ZNF566: variants seen among roughly 807,000 people sequenced by gnomAD.
The protein encoded by ZNF566 is zinc finger protein 566.
Under a neutral mutation model 32.8 loss-of-function variants are expected in ZNF566, and 27 were observed. The ratio of observed to expected loss-of-function variants is 0.82; its 90% CI spans 0.61 to 1.14. The LOEUF (loss-of-function observed/expected upper bound fraction) is 1.14, where lower values mean the gene tolerates loss of function less well. Ranked by LOEUF, ZNF566 falls within the 50% of genes most tolerant of loss-of-function variation. The pLI, the probability that ZNF566 is intolerant of heterozygous loss-of-function variation, is 0.00. For missense variants in ZNF566, 402 were observed against 490.4 expected (o/e 0.82, Z 1.70); for synonymous variants, 154 against 159.5 (o/e 0.97, Z 0.26).
chr19:36,476,493 T>C lies in ZNF566; in HGVS notation c.9+56A>G. The C allele has an allele frequency of 2.0e-6, 3 of 1,494,020 alleles. No homozygotes were observed. In the Admixed American group the frequency reaches 5.1e-5, roughly 26 times the overall value. 92.5% of individuals were successfully genotyped at this position (1,494,020 alleles called of 1,614,324 possible). On this transcript the variant is annotated intron_variant, in intron 2 of 4. Transcript: ENST00000452939. ...CATCATCATGAGGAAAGCAAATGTTTACAGTTACTAGAAGTAAAAATCACT... is the reference window on the plus strand; with the variant it reads ...CATCATCATGAGGAAAGCAAATGTTCACAGTTACTAGAAGTAAAAATCACT...
chr19:36,472,533 G>A (rs143908234), intron 4 of ZNF566, among the ~76,000 whole-genome samples: 3 of 152,272 alleles, frequency 2.0e-5, no homozygotes, highest in African/African-American at 4.8e-5. Context: ...AAAAAACTTA[G>A]TAAAAGCAAA....
At chr19:36,476,160 G>T (rs2033879233) in intron 2 of ZNF566, 1 of 155,764 alleles carries the variant, frequency 6.4e-6, no homozygotes, top group African/African-American at 2.4e-5. Flanking sequence ...ACAAAAATTA[G>T]CTGGGTGTGG....
intron 4 of ZNF566, among the ~76,000 whole-genome samples, chr19:36,450,580 G>A (rs2033129256): frequency 6.6e-6 from 1 of 152,240 alleles, no homozygotes; most frequent in East Asian, 1.9e-4. Context: ...GGAGGCAGAG[G>A]TTGCAGTGAG....
chr19:36,473,242 T>A, intron 3 of ZNF566, 90 bp downstream of exon 3: 1 of 1,488,096 alleles, frequency 6.7e-7, no homozygotes. Flanking sequence ...AAAATTCGAC[T>A]GGTTTTTGAA....
At chr19:36,473,162 C>A in intron 3 of ZNF566, 156 bp from the exon 4 acceptor site, 1 of 1,066,950 alleles carries the variant, frequency 9.4e-7, no homozygotes, top group South Asian at 1.5e-5. Context: ...TAAAACATCC[C>A]CAAAAACTCA....
At chr19:36,451,024 T>C (rs2145634571) in intron 4 of ZNF566, among the ~76,000 whole-genome samples, 1 of 152,342 alleles carries the variant, frequency 6.6e-6, no homozygotes, top group Admixed American at 6.5e-5. Flanking sequence ...GTGCATTTCA[T>C]TTTGAAATAA....
At position 36,476,629 on chromosome 19, in the gene ZNF566, AAAG is replaced by A; in HGVS notation, c.-59-16_-59-14del. The A allele has an allele frequency of 6.2e-7, 1 of 1,604,814 alleles. No individual in the cohort carries two copies. The highest frequency in any genetic ancestry group is 1.7e-4 in the Middle Eastern group (1 of 6,020). On this transcript the variant is annotated splice_polypyrimidine_tract_variant and intron_variant, in intron 1 of 4. Coordinates refer to ENST00000452939, the MANE Select transcript of ZNF566 (RefSeq NM_001145344.1). The stretch of plus-strand genomic sequence containing the variant: ...GAGAAGGGTAGAGCTGGGAGAGGCA[AAAG>A]AAGATAGATAAGACCCCACTTTCCT...
chr19:36,469,170 G>A (rs1182460793), intron 4 of ZNF566, among the ~76,000 whole-genome samples: 1 of 151,850 alleles, frequency 6.6e-6, no homozygotes, highest in Non-Finnish European at 1.5e-5. Context: ...TTATATAAGG[G>A]AGAAAGTATC....
At chr19:36,450,387 T>C (rs1183417663) in intron 4 of ZNF566, among the ~76,000 whole-genome samples, 1 of 152,212 alleles carries the variant, frequency 6.6e-6, no homozygotes, top group Non-Finnish European at 1.5e-5. Context: ...GGCTCACATC[T>C]GTAATCCCAG....
At chr19:36,485,028 T>C (rs981444445) in intron 1 of ZNF566, among the ~76,000 whole-genome samples, 1 of 152,104 alleles carries the variant, frequency 6.6e-6, no homozygotes, top group African/African-American at 2.4e-5. Flanking sequence ...TAATGAGATA[T>C]ACTAATATAT....
In ZNF566 at chr19:36,449,368, C is replaced by T; in HGVS notation, c.866G>A (p.Gly289Glu). Reference protein sequence around the residue: ...GEKPYECKECGKAFSSGSNFT... With the variant: ...GEKPYECKECEKAFSSGSNFT... Reference sequence around the variant, plus strand: ...GTTTGAGCCACTACTAAAGGCCTTCCCGCATTCTTTGCATTCATAAGGCTT... The same window carrying T: ...GTTTGAGCCACTACTAAAGGCCTTCTCGCATTCTTTGCATTCATAAGGCTT... The change falls in exon 5 of 5, where the codon GGG becomes GAG. Residue 289 changes from glycine (G) to glutamate (E), a missense_variant. Coordinates refer to ENST00000452939, the MANE Select transcript of ZNF566 (RefSeq NM_001145344.1). 6.2e-7 allele frequency: 1 copy of T among 1,614,112 alleles called. No homozygotes were observed. The highest frequency in any genetic ancestry group is 8.5e-7 in the Non-Finnish European group (1 of 1,180,004).
intron 4 of ZNF566, among the ~76,000 whole-genome samples, chr19:36,461,126 C>A (rs78041101): frequency 0.01 from 1,559 of 152,156 alleles, 31 homozygotes; most frequent in African/African-American, 0.035. Flanking sequence ...TTGTTAAATC[C>A]AGGAGACAGC....
At chr19:36,484,116 C>T (rs537119398) in intron 1 of ZNF566, among the ~76,000 whole-genome samples, 38 of 152,170 alleles carry the variant, frequency 2.5e-4, no homozygotes, top group Non-Finnish European at 4.6e-4. Flanking sequence ...TCAGGTGATC[C>T]GCCTGCCTCG....
At chr19:36,451,069 A>T (rs140792432) in intron 4 of ZNF566, among the ~76,000 whole-genome samples, 35 of 152,358 alleles carry the variant, frequency 2.3e-4, no homozygotes, top group African/African-American at 8.2e-4. Flanking sequence ...TCTCAGTCAC[A>T]TTATTCACAT....
chr19:36,479,697 C>T (rs755164297), intron 1 of ZNF566, among the ~76,000 whole-genome samples: 26 of 152,180 alleles, frequency 1.7e-4, no homozygotes, highest in Non-Finnish European at 3.1e-4. Flanking sequence ...TGCCGTGGCA[C>T]GATCAAAGCT....
intron 2 of ZNF566, 119 bp downstream of exon 2, chr19:36,476,430 A>T: frequency 1.1e-6 from 1 of 885,294 alleles, no homozygotes; most frequent in South Asian, 1.9e-5. Context: ...CTCATAACCA[A>T]ACTTTTTGAA....
intron 3 of ZNF566, 145 bp from the exon 4 acceptor site, chr19:36,473,151 G>A (rs980802087): frequency 1.9e-6 from 2 of 1,053,246 alleles, no homozygotes; most frequent in South Asian, 3.1e-5. Flanking sequence ...AACGGAAGAT[G>A]TAAAACATCC....
Position 36,448,980 on chromosome 19 carries a change from C to T in ZNF566, c.1254G>A (p.Trp418Ter). The T allele has an allele frequency of 6.4e-7, 1 of 1,573,096 alleles. No individual in the cohort carries two copies. Among genetic ancestry groups the T allele is most frequent in the Non-Finnish European group, 8.6e-7 (1 of 1,163,450 alleles). The change falls in exon 5 of 5, where the codon TGG becomes TGA. Residue 418 changes from tryptophan to a stop codon, truncating the protein, a stop_gained. Transcript: ENST00000452939. LOFTEE classifies it high-confidence loss of function. ...ACATTTCATATATTCTGTTTCATCA[C>T]CAGTACAAATTTTGATGCTGAATAA... ...PQLIQHQNLY[W>*]
intron 1 of ZNF566, among the ~76,000 whole-genome samples, chr19:36,481,184 A>G (rs981500428): frequency 6.6e-6 from 1 of 151,920 alleles, no homozygotes; most frequent in African/African-American, 2.4e-5. Context: ...GAAAACAACA[A>G]TGAGGGCTGG....
Sources: allele counts gnomAD v4.1 joint callset (sites outside exome capture counted in the v4.1 genomes callset), GRCh38; gene constraint gnomAD v4.1.1; transcripts MANE v1.5; gene names NCBI Gene and HGNC (gene_info 2026-07-23, HGNC 2026-07-21).